The following BICD2 variants were observed in gnomAD, a reference collection of about 807,000 sequenced individuals.
BICD2 encodes protein bicaudal D homolog 2.
BICD2 carries 25 observed loss-of-function variants against 72.9 expected under a neutral mutation model. The observed-to-expected ratio is 0.34, with a 90% CI of 0.25 to 0.48. The LOEUF is 0.48. Ranked by LOEUF, BICD2 falls within the 20% of genes least tolerant of loss-of-function variation. The pLI, the probability that BICD2 is intolerant of heterozygous loss-of-function variation, is 0.99. For missense variants in BICD2, 894 were observed against 1,175.2 expected (o/e 0.76, Z 3.50); for synonymous variants, 501 against 516.1 (o/e 0.97, Z 0.40).
intron 1 of BICD2, among the ~76,000 whole-genome samples, chr9:92,751,499 T>C (rs1854149427): frequency 6.6e-6 from 1 of 152,148 alleles, no homozygotes; most frequent in South Asian, 2.1e-4. Context: ...GGCAAAAGAA[T>C]TACACAAAAG....
At chr9:92,725,173 CGA>C (rs1564063001) in intron 2 of BICD2, among the ~76,000 whole-genome samples, 1 of 152,238 alleles carries the variant, frequency 6.6e-6, no homozygotes, top group African/African-American at 2.4e-5. Context: ...GAGGCACACA[CGA>C]GACTGCTGTT....
chr9:92,713,855 G>C lies in BICD2; in HGVS notation c.*1299C>G, dbSNP rs1853245245. ...AGAACGCGCAGGGCAGAGAGCTGTG[G>C]GAGGGGGCAACACGGTCTCTCACCA... On this transcript the variant is annotated 3_prime_UTR_variant, in exon 7 of 7. Transcript: ENST00000356884. The C allele has an allele frequency of 5.9e-5, 62 of 1,042,382 alleles. No homozygotes were observed. Among genetic ancestry groups the C allele is most frequent in the Non-Finnish European group, 7.2e-5 (62 of 863,532 alleles). 64.6% of individuals were successfully genotyped at this position (1,042,382 alleles called of 1,614,324 possible). A position where few individuals can be genotyped will look rare whatever the true frequency, so the allele number is the denominator to read the frequency against.
chr9:92,717,680 TG>T lies in BICD2; in HGVS notation c.2258+116del. ...CCCTGATGGAGCTGGGCACAGCCAC[TG>T]ACTAGTCAGGGCTGCAGGCCTCAGC... On this transcript the variant is annotated intron_variant, in intron 6 of 6. Coordinates refer to ENST00000356884, the MANE Select transcript of BICD2 (RefSeq NM_001003800.2). The T allele has an allele frequency of 3.7e-6, 5 of 1,344,532 alleles. No homozygotes were observed. In the South Asian group the frequency reaches 7.7e-5, roughly 21 times the overall value. 83.3% of individuals were successfully genotyped at this position (1,344,532 alleles called of 1,614,324 possible).
At position 92,720,885 on chromosome 9, in the gene BICD2, G is replaced by T; in HGVS notation, c.607-130C>A. On this transcript the variant is annotated intron_variant, in intron 3 of 6. Transcript: ENST00000356884. The surrounding 1 kb of genome is among the most constrained non-coding windows in gnomAD (Gnocchi z 5.4). ...AGCAAAAGATGAAGCGCCAGGTGAG[G>T]TGCCATCCTGGGAAGGGTGGCAGCC... is the stretch of plus-strand genomic sequence containing the variant. 1.0e-6 allele frequency: 1 copy of T among 984,760 alleles called. No homozygotes were observed. Among genetic ancestry groups the T allele is most frequent in the Non-Finnish European group, 1.5e-6 (1 of 683,450 alleles). 61.0% of individuals were successfully genotyped at this position (984,760 alleles called of 1,614,324 possible). A position where few individuals can be genotyped will look rare whatever the true frequency, so the allele number is the denominator to read the frequency against.
intron 1 of BICD2, among the ~76,000 whole-genome samples, chr9:92,757,126 C>A (rs1039296093): frequency 6.6e-6 from 1 of 151,776 alleles, no homozygotes; most frequent in Non-Finnish European, 1.5e-5. Context: ...CCAGCCCGGG[C>A]AACATGGTGA....
chr9:92,728,572 G>A (rs904637634), intron 2 of BICD2, among the ~76,000 whole-genome samples: 2 of 152,170 alleles, frequency 1.3e-5, no homozygotes, highest in African/African-American at 2.4e-5. Context: ...ACCCTACCTC[G>A]AGTCTCCATG....
chr9:92,748,270 G>T (rs1328843350), intron 1 of BICD2, among the ~76,000 whole-genome samples: 1 of 152,128 alleles, frequency 6.6e-6, no homozygotes, highest in African/African-American at 2.4e-5. Flanking sequence ...CCACTTGGGG[G>T]GTTGTACCCC....
At chr9:92,718,400 G>A (rs1201170091) in intron 5 of BICD2, 139 bp downstream of exon 5, 6 of 1,044,588 alleles carry the variant, frequency 5.7e-6, no homozygotes, top group East Asian at 2.6e-5. Flanking sequence ...GTAGGCAGTC[G>A]AGCTACTATG....
At chr9:92,717,321 C>CT (rs1853336977) in intron 6 of BICD2, among the ~76,000 whole-genome samples, 1 of 152,242 alleles carries the variant, frequency 6.6e-6, no homozygotes, top group African/African-American at 2.4e-5. Flanking sequence ...ATATGCAAAG[C>CT]AGAGACAAGC....
At chr9:92,751,183 C>T (rs534962765) in intron 1 of BICD2, among the ~76,000 whole-genome samples, 1 of 151,364 alleles carries the variant, frequency 6.6e-6, no homozygotes, top group East Asian at 2.0e-4. Context: ...CAGAGTCTTA[C>T]TCTGTCCCCC....
chr9:92,714,004 C>G lies in BICD2; in HGVS notation c.*1150G>C. Reference sequence around the variant, plus strand: ...GAAAAAAGTACTGAGAAAAGTTCTGCTCAGAATGTGGGAAGGCAGGTGTGG... The same window carrying G: ...GAAAAAAGTACTGAGAAAAGTTCTGGTCAGAATGTGGGAAGGCAGGTGTGG... On this transcript the variant is annotated 3_prime_UTR_variant, in exon 7 of 7. Transcript: ENST00000356884. The G allele has an allele frequency of 3.0e-6, 3 of 986,962 alleles. No homozygotes were observed. Among genetic ancestry groups the G allele is most frequent in the Non-Finnish European group, 3.6e-6 (3 of 830,896 alleles). The allele number at this position is 986,962 out of a possible 1,614,324, so 61.1% of individuals were successfully genotyped here. A position where few individuals can be genotyped will look rare whatever the true frequency, so the allele number is the denominator to read the frequency against.
At chr9:92,761,188 G>A (rs1854365676) in intron 1 of BICD2, among the ~76,000 whole-genome samples, 1 of 152,144 alleles carries the variant, frequency 6.6e-6, no homozygotes. Context: ...CAGGCTGTAG[G>A]GGCCTGAGAC....
At chr9:92,740,385 CAT>C (rs1203195660) in intron 1 of BICD2, among the ~76,000 whole-genome samples, 3 of 152,056 alleles carry the variant, frequency 2.0e-5, no homozygotes, top group African/African-American at 4.8e-5. Flanking sequence ...TACACTCAAA[CAT>C]GTGAAAATTG....
chr9:92,763,983 C>T (rs1023367497), intron 1 of BICD2, among the ~76,000 whole-genome samples: 1 of 152,210 alleles, frequency 6.6e-6, no homozygotes, highest in African/African-American at 2.4e-5. Flanking sequence ...CTCGGAGGCA[C>T]TCATGAAAGA....
At chr9:92,747,181 A>C (rs1854031256) in intron 1 of BICD2, among the ~76,000 whole-genome samples, 1 of 152,128 alleles carries the variant, frequency 6.6e-6, no homozygotes, top group Non-Finnish European at 1.5e-5. Context: ...CAGTAGGCCA[A>C]ATCTCAGAGC....
In BICD2 at chr9:92,718,939, G is replaced by T; in HGVS notation, c.1706C>A (p.Pro569His). ...CGCCTCGGGGCTGGTGCGGCCCCCG[G>T]GACTGGTGCGGCCGGCCCCGCCCTG... ...EGQGGAGRTS[P>H]GGRTSPEARG... is the part of the protein sequence containing the mutation. Residue 569 changes from proline to histidine, a missense_variant, in exon 5 of 7, where the codon CCC (proline) becomes CAC (histidine). Pro to His is a moderately conservative substitution (Grantham distance 77). Coordinates refer to ENST00000356884, the MANE Select transcript of BICD2 (RefSeq NM_001003800.2). 6.2e-7 allele frequency: 1 copy of T among 1,609,066 alleles called. No homozygotes were observed.
At chr9:92,729,259 C>T (rs775326242) in intron 1 of BICD2, 23 bp from the exon 2 acceptor site, 142 of 1,611,936 alleles carry the variant, frequency 8.8e-5, no homozygotes, top group Non-Finnish European at 1.1e-4. Flanking sequence ...ACAAGACACT[C>T]GTGAGGTGGG....
chr9:92,713,730 T>C lies in BICD2; in HGVS notation c.*1424A>G. The C allele has an allele frequency of 7.3e-7, 1 of 1,361,168 alleles. No homozygotes were observed. The highest frequency in any genetic ancestry group is 1.6e-5 in the South Asian group (1 of 63,718). The allele number at this position is 1,361,168 out of a possible 1,614,324, so 84.3% of individuals were successfully genotyped here. On this transcript the variant is annotated 3_prime_UTR_variant, in exon 7 of 7. Coordinates refer to ENST00000356884, the MANE Select transcript of BICD2 (RefSeq NM_001003800.2). ...GCAGCCATCCCACTGCGAGTCTTGCTGGGGCAGGGGGATCTGGGCCCAGGA... is the reference window on the plus strand; with the variant it reads ...GCAGCCATCCCACTGCGAGTCTTGCCGGGGCAGGGGGATCTGGGCCCAGGA...
intron 1 of BICD2, among the ~76,000 whole-genome samples, chr9:92,746,259 T>A (rs1473938322): frequency 6.6e-6 from 1 of 152,166 alleles, no homozygotes; most frequent in Non-Finnish European, 1.5e-5. Flanking sequence ...TGGCCGGGCA[T>A]GGTGGCTCAC....
Sources: allele counts gnomAD v4.1 joint callset (sites outside exome capture counted in the v4.1 genomes callset), GRCh38; gene constraint gnomAD v4.1.1; non-coding constraint Gnocchi (gnomAD v3.1); transcripts MANE v1.5; gene names NCBI Gene and HGNC (gene_info 2026-07-23, HGNC 2026-07-21).